The following MYRFL variants were observed in gnomAD, a reference collection of about 807,000 sequenced individuals.
MYRFL encodes myelin regulatory factor like.
In MYRFL, 88 loss-of-function variants were observed where a neutral mutation model predicts 109.4. The observed-to-expected ratio is 0.80, with a 90% CI of 0.68 to 0.96. MYRFL has a LOEUF of 0.96. MYRFL is among the 40% of genes least tolerant of loss of function. The pLI is 0.00. For missense variants in MYRFL, 957 were observed against 954.9 expected (o/e 1.00, Z -0.03); for synonymous variants, 324 against 320.9 (o/e 1.01, Z -0.10).
chr12:69,862,126 G>A (rs1465401609), intron 2 of MYRFL, among the ~76,000 whole-genome samples: 5 of 151,054 alleles, frequency 3.3e-5, no homozygotes, highest in African/African-American at 7.3e-5. Flanking sequence ...TTTGGTACCA[G>A]TACCATGCTG....
chr12:69,910,730 T>C (rs10879052), intron 12 of MYRFL, 91 bp from the exon 13 acceptor site: 109,195 of 799,912 alleles, frequency 0.14, 9,980 homozygotes, highest in African/African-American at 0.38. Context: ...TTGCTGCAAA[T>C]GTATTGTAGA....
chr12:69,868,909 C>T (rs1885174035), intron 2 of MYRFL, among the ~76,000 whole-genome samples: 1 of 151,332 alleles, frequency 6.6e-6, no homozygotes, highest in African/African-American at 2.4e-5. Flanking sequence ...CGCACACGCG[C>T]ACACACACAT....
intron 21 of MYRFL, 46 bp downstream of exon 21, chr12:69,952,932 C>T: frequency 1.5e-6 from 2 of 1,370,344 alleles, no homozygotes; most frequent in South Asian, 2.6e-5. Flanking sequence ...TGGAATTTAC[C>T]CATGGCTCTG....
At chr12:69,862,635 T>G (rs1433501426) in intron 2 of MYRFL, among the ~76,000 whole-genome samples, 2 of 151,688 alleles carry the variant, frequency 1.3e-5, no homozygotes, top group East Asian at 1.9e-4. Flanking sequence ...CTTATCAGCT[T>G]AAGGAGATTT....
intron 19 of MYRFL, among the ~76,000 whole-genome samples, chr12:69,948,927 GT>G (rs1157675597): frequency 6.6e-6 from 1 of 152,120 alleles, no homozygotes; most frequent in Non-Finnish European, 1.5e-5. Flanking sequence ...TAAGAGGAAA[GT>G]TTTTTGGAGG....
intron 22 of MYRFL, 88 bp from the exon 23 acceptor site, chr12:69,957,734 C>T: frequency 5.0e-6 from 7 of 1,412,480 alleles, no homozygotes; most frequent in Non-Finnish European, 6.5e-6. Context: ...GTTACGTTCC[C>T]ATTAGATCCT....
chr12:69,887,176 A>G (rs962863467), intron 6 of MYRFL, among the ~76,000 whole-genome samples: 4 of 152,222 alleles, frequency 2.6e-5, no homozygotes, highest in Non-Finnish European at 5.9e-5. Context: ...CCAGACTTAT[A>G]GTTCCACCTG....
rs1273227118 is a variant in MYRFL, at chr12:69,895,456, A to G, written c.1066A>G (p.Lys356Glu). The G allele has an allele frequency of 9.1e-6, 14 of 1,535,796 alleles. No individual in the cohort carries two copies. Among genetic ancestry groups the G allele is most frequent in the South Asian group, 3.6e-5 (3 of 84,048 alleles). The change falls in exon 9 of 25, where the codon AAG (lysine) becomes GAG (glutamate). Residue 356 changes from lysine (K) to glutamate (E), a missense_variant. Physicochemically the swap from Lys to Glu is moderately conservative, Grantham distance 56 (BLOSUM62 1). Coordinates refer to ENST00000552032, the MANE Select transcript of MYRFL (RefSeq NM_182530.3). ...AACCACAGCAAATAATATGAGAAAA[A>G]AGGGAAAACCAAATCCAGACCAGAG... Reference protein sequence around the residue: ...SETTANNMRKKGKPNPDQRYF... With the variant: ...SETTANNMRKEGKPNPDQRYF...
At chr12:69,886,029 A>G (rs961573311) in intron 5 of MYRFL, among the ~76,000 whole-genome samples, 6 of 152,176 alleles carry the variant, frequency 3.9e-5, no homozygotes, top group Non-Finnish European at 8.8e-5. Flanking sequence ...GCCACAAAAG[A>G]CCTGCCAAAA....
chr12:69,927,555 T>A, intron 14 of MYRFL, 130 bp from the exon 15 acceptor site: 1 of 652,574 alleles, frequency 1.5e-6, no homozygotes, highest in Non-Finnish European at 2.5e-6. Context: ...TTGCCATGAC[T>A]TTTTGTTTTC....
intron 1 of MYRFL, among the ~76,000 whole-genome samples, chr12:69,842,013 T>C (rs1883273400): frequency 6.6e-6 from 1 of 152,204 alleles, no homozygotes; most frequent in Non-Finnish European, 1.5e-5. Context: ...AGCTAACTTA[T>C]CCTGGGTTAC....
At chr12:69,866,982 G>A (rs970889682) in intron 2 of MYRFL, among the ~76,000 whole-genome samples, 1 of 152,198 alleles carries the variant, frequency 6.6e-6, no homozygotes. Flanking sequence ...AAACTTATTT[G>A]GCCGTGGGCC....
chr12:69,850,911 T>G (rs985047366), intron 1 of MYRFL, among the ~76,000 whole-genome samples: 1 of 152,118 alleles, frequency 6.6e-6, no homozygotes, highest in Admixed American at 6.5e-5. Flanking sequence ...TACCCTCAAC[T>G]TTTTCATTTT....
intron 1 of MYRFL, among the ~76,000 whole-genome samples, chr12:69,836,086 C>T (rs1299569107): frequency 1.3e-5 from 2 of 152,160 alleles, no homozygotes; most frequent in African/African-American, 2.4e-5. Context: ...GGAAGTAGCT[C>T]GCAGCAGGTG....
intron 19 of MYRFL, among the ~76,000 whole-genome samples, chr12:69,939,919 G>A (rs371656134): frequency 1.9e-4 from 28 of 149,692 alleles, no homozygotes; most frequent in East Asian, 3.9e-4. Context: ...GAGCCGATGC[G>A]ATCAACTGGA....
intron 11 of MYRFL, chr12:69,904,482 C>G (rs1376939642): frequency 6.6e-6 from 1 of 152,240 alleles, no homozygotes; most frequent in African/African-American, 2.4e-5. Flanking sequence ...TGGGCTCTCC[C>G]CAGTTACGTG....
intron 13 of MYRFL, among the ~76,000 whole-genome samples, chr12:69,914,890 G>A (rs545393478): frequency 6.6e-6 from 1 of 152,228 alleles, no homozygotes; most frequent in Admixed American, 6.5e-5. Context: ...TGCAATCTAT[G>A]GAGATGTCAC....
chr12:69,886,802 G>T lies in MYRFL; in HGVS notation c.557-18G>T, dbSNP rs1210988900. On this transcript the variant is annotated intron_variant, in intron 5 of 24. Coordinates refer to ENST00000552032, the MANE Select transcript of MYRFL (RefSeq NM_182530.3). ...AACAGCCTGGAAGGAAGGCTCTGACGCACCTGTTTCTTTGCAGTGACAAGT... is the reference window on the plus strand; with the variant it reads ...AACAGCCTGGAAGGAAGGCTCTGACTCACCTGTTTCTTTGCAGTGACAAGT... The T allele has an allele frequency of 6.5e-7, 1 of 1,535,264 alleles. No homozygotes were observed. Among genetic ancestry groups the T allele is most frequent in the Non-Finnish European group, 8.7e-7 (1 of 1,146,582 alleles).
At chr12:69,927,414 A>AT (rs56738242) in intron 14 of MYRFL, among the ~76,000 whole-genome samples, 57,570 of 149,976 alleles carry the variant, frequency 0.38, 11,846 homozygotes, top group East Asian at 0.72. Flanking sequence ...ACTTTCTGTT[A>AT]TTTTTTTTTT....
Sources: gnomAD v4.1 joint callset for allele counts (sites outside exome capture counted in the v4.1 genomes callset) on GRCh38, gnomAD v4.1.1 for gene constraint, MANE v1.5 for transcripts, NCBI Gene and HGNC (gene_info 2026-07-23, HGNC 2026-07-21) for gene names.